Variants in ATE1 observed in about 807,000 individuals in gnomAD.
ATE1 encodes arginyl-tRNA--protein transferase 1.
In ATE1, 36 loss-of-function variants were observed where a neutral mutation model predicts 70.5. That is an observed-to-expected ratio of 0.51 (90% CI 0.39 to 0.67). ATE1 has a LOEUF of 0.67. Among genes scored for constraint, ATE1 ranks in the 30% least tolerant of loss-of-function variants. The pLI is 0.00. For synonymous variants in ATE1, 232 were observed against 219.3 expected (o/e 1.06, Z -0.51); for missense variants, 593 against 629.5 (o/e 0.94, Z 0.62).
chr10:121,919,697 A>T (rs1303853576), intron 3 of ATE1, among the ~76,000 whole-genome samples: 1 of 108,200 alleles, frequency 9.2e-6, no homozygotes, highest in East Asian at 4.3e-4. Context: ...CACGAGTTCG[A>T]GAGTAGCGCG....
intron 6 of ATE1, among the ~76,000 whole-genome samples, chr10:121,902,121 G>A (rs1028147937): frequency 2.0e-5 from 3 of 152,004 alleles, no homozygotes; most frequent in Non-Finnish European, 2.9e-5. Flanking sequence ...TTCAATCAAG[G>A]TAGCATGCTA....
intron 10 of ATE1, among the ~76,000 whole-genome samples, chr10:121,799,375 C>T (rs1946785842): frequency 6.6e-6 from 1 of 152,070 alleles, no homozygotes; most frequent in Non-Finnish European, 1.5e-5. Flanking sequence ...GCAGCTGGAG[C>T]TTCCTCAGAA....
chr10:121,875,297 G>GTTTT (rs1950009698), intron 7 of ATE1, among the ~76,000 whole-genome samples: 1 of 106,880 alleles, frequency 9.4e-6, no homozygotes, highest in African/African-American at 3.5e-5. Context: ...GTTTTTTTTT[G>GTTTT]GTTTTTTTTT....
rs1466097028 is a variant in ATE1, at chr10:121,740,892, C to A, written c.*2788G>T. 1 of 152,054 alleles carries A rather than the reference C, an allele frequency of 6.6e-6. No individual in the cohort carries two copies. Among genetic ancestry groups the A allele is most frequent in the Non-Finnish European group, 1.5e-5 (1 of 68,004 alleles). The allele number at this position is 152,054 out of a possible 1,614,324, so 9.4% of individuals were successfully genotyped here. ...AATGTACAACATATTTATCTGATAT[C>A]ATCTATCTTTTAGAATACAAAAAAG... is the stretch of plus-strand genomic sequence containing the variant. On this transcript the variant is annotated 3_prime_UTR_variant, in exon 12 of 12. Transcript: ENST00000224652.
intron 8 of ATE1, among the ~76,000 whole-genome samples, chr10:121,852,172 C>G (rs1949080197): frequency 6.6e-6 from 1 of 152,222 alleles, no homozygotes; most frequent in African/African-American, 2.4e-5. Context: ...GACTGAAAGT[C>G]TTCAGGGGCT....
intron 7 of ATE1, among the ~76,000 whole-genome samples, chr10:121,876,102 T>C (rs774366771): frequency 1.4e-4 from 21 of 152,182 alleles, no homozygotes; most frequent in Non-Finnish European, 2.9e-4. Flanking sequence ...TCGCCCTTTT[T>C]TTCCCCCATT....
intron 3 of ATE1, among the ~76,000 whole-genome samples, chr10:121,921,454 A>T (rs1240251774): frequency 6.6e-6 from 1 of 150,976 alleles, no homozygotes; most frequent in African/African-American, 2.4e-5. Context: ...TGTGCTCTGG[A>T]GATTCTCCCA....
In ATE1 at chr10:121,772,194, C is replaced by T. The variant is rs544862298; in HGVS notation, c.1378+17975G>A. Among the ~76,000 whole-genome samples the T allele has an allele frequency of 2.2e-3, 329 of 152,272 alleles. 2 individuals carry two copies. Among genetic ancestry groups the T allele is most frequent in the Non-Finnish European group, 3.5e-3 (235 of 68,014 alleles). ...TCCAATAAATGTCTGTGGTTTGTGG[C>T]GATGATCTTCATTTCATGTTCTTCA... On this transcript the variant is annotated intron_variant, in intron 11 of 11. Coordinates refer to ENST00000224652, the MANE Select transcript of ATE1 (RefSeq NM_001001976.3).
intron 10 of ATE1, among the ~76,000 whole-genome samples, chr10:121,816,479 C>T (rs1344345852): frequency 6.6e-6 from 1 of 152,126 alleles, no homozygotes; most frequent in Non-Finnish European, 1.5e-5. Flanking sequence ...AGCTTAGGCC[C>T]CTTTCACTCT....
intron 10 of ATE1, among the ~76,000 whole-genome samples, chr10:121,804,183 AAAGTC>A (rs1202616703): frequency 6.6e-6 from 1 of 152,242 alleles, no homozygotes; most frequent in Non-Finnish European, 1.5e-5. Flanking sequence ...TACAGGTGAG[AAAGTC>A]AAGTCAATTT....
chr10:121,838,450 T>C (rs544498439), intron 9 of ATE1, among the ~76,000 whole-genome samples: 1 of 152,310 alleles, frequency 6.6e-6, no homozygotes, highest in African/African-American at 2.4e-5. Context: ...TTGTTTTTCC[T>C]GGCCACCTCG....
chr10:121,822,550 T>A (rs1008372216), intron 10 of ATE1, among the ~76,000 whole-genome samples: 2 of 152,148 alleles, frequency 1.3e-5, no homozygotes, highest in African/African-American at 4.8e-5. Flanking sequence ...TAAGTTTACT[T>A]AAAAAGAAAC....
intron 10 of ATE1, among the ~76,000 whole-genome samples, chr10:121,793,096 T>A (rs545774564): frequency 1.3e-5 from 2 of 152,162 alleles, no homozygotes; most frequent in African/African-American, 2.4e-5. Context: ...TGCATTTTTT[T>A]AAAAAAGGCA....
intron 11 of ATE1, among the ~76,000 whole-genome samples, chr10:121,767,471 T>C (rs1945323789): frequency 7.2e-6 from 1 of 138,826 alleles, no homozygotes; most frequent in South Asian, 2.5e-4. Flanking sequence ...GCAGATGACA[T>C]GATATTCTAT....
chr10:121,782,343 C>A (rs138837610), intron 11 of ATE1, among the ~76,000 whole-genome samples: 1 of 152,222 alleles, frequency 6.6e-6, no homozygotes, highest in African/African-American at 2.4e-5. Context: ...TCACAAGGCA[C>A]GAAAATGTTC....
In ATE1 at chr10:121,823,060, G is replaced by A. The variant is rs140072576; in HGVS notation, c.1257+13658C>T. 9.1e-3 allele frequency among the ~76,000 whole-genome samples: 1,378 copies of A among 152,258 alleles called. 10 individuals are homozygous for A. The highest frequency in any genetic ancestry group is 0.011 in the Non-Finnish European group (764 of 68,014). The stretch of plus-strand genomic sequence containing the variant: ...AATCCCAGCACTTTGGGAGGCCAAG[G>A]TGGGTGGATCACAAGGTCAGGAGAT... On this transcript the variant is annotated intron_variant, in intron 10 of 11. Coordinates refer to ENST00000224652, the MANE Select transcript of ATE1 (RefSeq NM_001001976.3).
At chr10:121,854,697 G>C (rs1477881363) in intron 8 of ATE1, among the ~76,000 whole-genome samples, 1 of 152,158 alleles carries the variant, frequency 6.6e-6, no homozygotes, top group Admixed American at 6.5e-5. Context: ...AAAACGGTCA[G>C]GCAGACAGTT....
At chr10:121,861,937 A>G (rs1043992691) in intron 8 of ATE1, among the ~76,000 whole-genome samples, 4 of 152,110 alleles carry the variant, frequency 2.6e-5, no homozygotes, top group Admixed American at 2.0e-4. Flanking sequence ...TCAATTCAGT[A>G]CCAAGAGCAG....
At chr10:121,799,127 T>G (rs1946774400) in intron 10 of ATE1, among the ~76,000 whole-genome samples, 2 of 152,168 alleles carry the variant, frequency 1.3e-5, no homozygotes, top group South Asian at 4.1e-4. Flanking sequence ...GGGACTCCGC[T>G]TGACATCAAG....
Sources: gnomAD v4.1 joint callset for allele counts (sites outside exome capture counted in the v4.1 genomes callset) on GRCh38, gnomAD v4.1.1 for gene constraint, MANE v1.5 for transcripts, NCBI Gene and HGNC (gene_info 2026-07-23, HGNC 2026-07-21) for gene names.